The following KANSL1 variants were observed in gnomAD, a reference collection of about 807,000 sequenced individuals.
The protein encoded by KANSL1 is KAT8 regulatory NSL complex subunit 1, also known as MLL1/MLL complex subunit KANSL1.
KANSL1 carries 22 observed loss-of-function variants against 103.6 expected under a neutral mutation model. The ratio of observed to expected loss-of-function variants is 0.21; its 90% CI spans 0.15 to 0.30. The LOEUF is 0.30. Among genes scored for constraint, KANSL1 ranks in the 10% least tolerant of loss-of-function variants. The pLI, the probability that KANSL1 is intolerant of heterozygous loss-of-function variation, is 1.00. For synonymous variants in KANSL1, 600 were observed against 527.6 expected (o/e 1.14, Z -1.88); for missense variants, 1,337 against 1,399.8 (o/e 0.96, Z 0.72).
At chr17:46,136,249 T>A (rs1035708009) in intron 2 of KANSL1, among the ~76,000 whole-genome samples, 1 of 152,236 alleles carries the variant, frequency 6.6e-6, no homozygotes, top group Middle Eastern at 3.2e-3. Context: ...AATCTATACA[T>A]TCTTTAAAAA....
rs528919456 is a variant in KANSL1, at chr17:46,095,379, A to G, written c.1290-678T>C. ...GACCAACAGCAAGAAATTTGCAAGA[A>G]GGCATGATGCAAATACACATTACCA... is the stretch of plus-strand genomic sequence containing the variant. On this transcript the variant is annotated intron_variant, in intron 2 of 14. Coordinates refer to ENST00000432791, the MANE Select transcript of KANSL1 (RefSeq NM_015443.4). Among the ~76,000 whole-genome samples, 6 of 152,370 alleles carry G rather than the reference A, an allele frequency of 3.9e-5. No homozygotes were observed. In the South Asian group the frequency reaches 1.2e-3, roughly 32 times the overall value.
intron 2 of KANSL1, among the ~76,000 whole-genome samples, chr17:46,157,692 C>G (rs2045502828): frequency 6.6e-6 from 1 of 152,240 alleles, no homozygotes; most frequent in Non-Finnish European, 1.5e-5. Flanking sequence ...TCTACTTACA[C>G]TATCAAGTCA....
intron 1 of KANSL1, among the ~76,000 whole-genome samples, chr17:46,212,840 C>T (rs1218929889): frequency 6.6e-6 from 1 of 152,216 alleles, no homozygotes; most frequent in Non-Finnish European, 1.5e-5. Flanking sequence ...CCCCTCACCA[C>T]CTTCGACAGC....
intron 4 of KANSL1, among the ~76,000 whole-genome samples, chr17:46,079,858 T>G (rs1462531463): frequency 2.0e-5 from 3 of 152,188 alleles, no homozygotes; most frequent in Admixed American, 2.0e-4. Flanking sequence ...ATGCCTGTAG[T>G]CCCAGCTACT....
At position 46,110,827 on chromosome 17, in the gene KANSL1, C is replaced by T. The variant is rs189502910; in HGVS notation, c.1290-16126G>A. Reference sequence around the variant, plus strand: ...TGGGAGGTGGGGAAAGCAGGTCAAGCATGGAATAGAGCATGAATAAAAATG... The same window carrying T: ...TGGGAGGTGGGGAAAGCAGGTCAAGTATGGAATAGAGCATGAATAAAAATG... On this transcript the variant is annotated intron_variant, in intron 2 of 14. Transcript: ENST00000432791. Among the ~76,000 whole-genome samples the T allele has an allele frequency of 3.3e-5, 5 of 152,170 alleles. No individual in the cohort carries two copies. In the East Asian group the frequency reaches 9.6e-4, roughly 29 times the overall value.
chr17:46,136,863 T>C (rs1010200499), intron 2 of KANSL1, among the ~76,000 whole-genome samples: 1 of 152,228 alleles, frequency 6.6e-6, no homozygotes, highest in Admixed American at 6.5e-5. Context: ...ACTAAAATAG[T>C]ATTTCCTGGA....
At chr17:46,088,906 C>T (rs954401191) in intron 3 of KANSL1, among the ~76,000 whole-genome samples, 26 of 152,242 alleles carry the variant, frequency 1.7e-4, no homozygotes, top group African/African-American at 3.9e-4. Context: ...CTGCTTAGTC[C>T]CTATTCTTTC....
At chr17:46,212,760 A>G (rs1052142027) in intron 1 of KANSL1, among the ~76,000 whole-genome samples, 11 of 152,206 alleles carry the variant, frequency 7.2e-5, no homozygotes, top group African/African-American at 1.4e-4. Flanking sequence ...TTTTGCCAAT[A>G]TATGTTGCCA....
At chr17:46,146,548 T>C (rs1597795354) in intron 2 of KANSL1, among the ~76,000 whole-genome samples, 1 of 147,542 alleles carries the variant, frequency 6.8e-6, no homozygotes, top group South Asian at 2.1e-4. Context: ...TCACAAGAAG[T>C]TGAGGCCGGG....
intron 6 of KANSL1, among the ~76,000 whole-genome samples, chr17:46,059,947 G>A (rs1368320530): frequency 6.6e-6 from 1 of 151,576 alleles, no homozygotes; most frequent in Non-Finnish European, 1.5e-5. Context: ...GAGGGGAGGG[G>A]GACAAAAAAC....
chr17:46,034,096 A>G, intron 11 of KANSL1, 65 bp downstream of exon 11: 1 of 1,589,556 alleles, frequency 6.3e-7, no homozygotes. Flanking sequence ...TGGTCAGAAG[A>G]GAAGAGGGAA....
chr17:46,170,096 C>G (rs553230303), intron 2 of KANSL1, among the ~76,000 whole-genome samples: 4 of 151,746 alleles, frequency 2.6e-5, no homozygotes, highest in Admixed American at 2.6e-4. Context: ...GAGCTGAGAT[C>G]GCACTACTGC....
At chr17:46,067,959 G>A (rs1598531798) in intron 4 of KANSL1, among the ~76,000 whole-genome samples, 3 of 151,830 alleles carry the variant, frequency 2.0e-5, no homozygotes, top group East Asian at 3.9e-4. Context: ...TAAAAAGAGA[G>A]AGAGAGAGGT....
intron 1 of KANSL1, chr17:46,215,138 A>G (rs1449238038): frequency 1.3e-5 from 2 of 152,418 alleles, no homozygotes; most frequent in Non-Finnish European, 2.9e-5. Flanking sequence ...GCTGTGATCA[A>G]TTAATAGTAA....
intron 1 of KANSL1, among the ~76,000 whole-genome samples, chr17:46,177,378 C>T (rs2046571740): frequency 6.6e-6 from 1 of 152,208 alleles, no homozygotes; most frequent in South Asian, 2.1e-4. Flanking sequence ...AAGTTTAGTA[C>T]TTTAATCTTT....
intron 1 of KANSL1, among the ~76,000 whole-genome samples, chr17:46,202,374 T>G (rs1253414012): frequency 6.6e-6 from 1 of 152,188 alleles, no homozygotes; most frequent in Non-Finnish European, 1.5e-5. Flanking sequence ...GGATATTCAA[T>G]GTATACAGAG....
At chr17:46,205,031 GCTTTCTCCCTC>G (rs1398771004) in intron 1 of KANSL1, among the ~76,000 whole-genome samples, 3 of 152,146 alleles carry the variant, frequency 2.0e-5, no homozygotes, top group Non-Finnish European at 4.4e-5. Context: ...AAGCCTGAAT[GCTTTCTCCCTC>G]AGGTCAAGAA....
chr17:46,216,833 C>A (rs1005168721), intron 1 of KANSL1, among the ~76,000 whole-genome samples: 5 of 151,912 alleles, frequency 3.3e-5, no homozygotes, highest in Admixed American at 2.6e-4. Flanking sequence ...GGCCTGGGCA[C>A]AGTGGCGCAT....
intron 1 of KANSL1, among the ~76,000 whole-genome samples, chr17:46,187,331 G>A (rs1182877922): frequency 1.3e-5 from 2 of 152,236 alleles, no homozygotes; most frequent in Non-Finnish European, 2.9e-5. Context: ...ATTAAAAGGT[G>A]AGGGACTCCA....
Sources: gnomAD v4.1 joint callset for allele counts (sites outside exome capture counted in the v4.1 genomes callset) on GRCh38, gnomAD v4.1.1 for gene constraint, MANE v1.5 for transcripts, NCBI Gene and HGNC (gene_info 2026-07-23, HGNC 2026-07-21) for gene names.